MAST4: variants seen among roughly 807,000 people sequenced by gnomAD.
MAST4 encodes the protein microtubule associated serine/threonine kinase family member 4.
A neutral mutation model predicts 162.7 loss-of-function variants in MAST4; 89 were observed. The ratio of observed to expected loss-of-function variants is 0.55; its 90% CI spans 0.46 to 0.65. The LOEUF (loss-of-function observed/expected upper bound fraction) is 0.65, where lower values mean the gene tolerates loss of function less well. Among genes scored for constraint, MAST4 ranks in the 30% least tolerant of loss-of-function variants. The pLI, the probability that MAST4 is intolerant of heterozygous loss-of-function variation, is 0.00. For synonymous variants in MAST4, 1,479 were observed against 1,361.1 expected, an observed-to-expected ratio of 1.09 and a Z score of -1.91; for missense variants, 3,153 against 3,374.0, an observed-to-expected ratio of 0.93 and a Z score of 1.62.
chr5:66,644,393 G>T (rs928964928), intron 1 of MAST4, among the ~76,000 whole-genome samples: 9 of 152,130 alleles, frequency 5.9e-5, no homozygotes, highest in African/African-American at 2.2e-4. Flanking sequence ...GCCAATCAAA[G>T]TCTATGCTTA....
intron 5 of MAST4, among the ~76,000 whole-genome samples, 170 bp downstream of exon 5, chr5:67,054,662 T>C (rs1758589753): frequency 6.6e-6 from 1 of 152,258 alleles, no homozygotes; most frequent in African/African-American, 2.4e-5. Context: ...TTATCCTCTC[T>C]GTTTCAGTGT....
chr5:66,963,987 C>T (rs542590881), intron 4 of MAST4: 3 of 700,220 alleles, frequency 4.3e-6, no homozygotes, highest in Non-Finnish European at 5.3e-6. Context: ...TGTCTCTTGA[C>T]TCATTGTTCA....
chr5:66,841,440 A>G (rs1483377550), intron 3 of MAST4, among the ~76,000 whole-genome samples: 1 of 152,192 alleles, frequency 6.6e-6, no homozygotes, highest in Non-Finnish European at 1.5e-5. Context: ...ACAAAATGGC[A>G]TAGACTGTGT....
intron 1 of MAST4, among the ~76,000 whole-genome samples, chr5:66,657,311 T>C (rs1439897795): frequency 2.0e-5 from 3 of 152,230 alleles, no homozygotes; most frequent in Non-Finnish European, 4.4e-5. Context: ...CAGAGGACAC[T>C]GTCTTATCAC....
intron 1 of MAST4, among the ~76,000 whole-genome samples, chr5:66,685,885 G>A (rs1056254378): frequency 1.3e-5 from 2 of 152,118 alleles, no homozygotes; most frequent in East Asian, 3.9e-4. Flanking sequence ...GGGAGGAGGG[G>A]TTTGGGGGGA....
intron 1 of MAST4, among the ~76,000 whole-genome samples, chr5:66,617,688 T>C (rs1459572244): frequency 6.6e-6 from 1 of 152,184 alleles, no homozygotes; most frequent in Non-Finnish European, 1.5e-5. Flanking sequence ...CCATACCCTT[T>C]GTTCTTTCTG....
At position 67,164,682 on chromosome 5, in the gene MAST4, G is replaced by A. The variant is rs779452986; in HGVS notation, c.5503G>A (p.Val1835Met). ...ACAGAGCCCCAGCCCAAGTGGTGAC[G>A]TGAGGGCCTCTGTGCCACCAGTTCT... Reference protein sequence around the residue: ...SAQSPSPSGDVRASVPPVLPS... With the variant: ...SAQSPSPSGDMRASVPPVLPS... The change falls in exon 29 of 29, where the codon GTG (valine) becomes ATG (methionine). Residue 1835 changes from valine to methionine, a missense_variant. Physicochemically the swap from Val to Met is conservative, Grantham distance 21 (BLOSUM62 1). This residue lies in a region of MAST4 where 1,644 missense variants were observed against 1,495.0 expected (regional missense o/e 1.10). Coordinates refer to ENST00000403625, the MANE Select transcript of MAST4 (RefSeq NM_001164664.2). The surrounding 1 kb of genome is among the most constrained non-coding windows in gnomAD (Gnocchi z 5.3). The A allele has an allele frequency of 6.2e-7, 1 of 1,613,878 alleles. No homozygotes were observed.
chr5:66,986,616 A>ATATTTATT lies in MAST4; in HGVS notation c.675-67774_675-67767dup, dbSNP rs1554077142. The ATATTTATT allele has an allele frequency of 8.4e-3, 1,683 of 199,736 alleles. 34 individuals carry two copies. The highest frequency in any genetic ancestry group is 0.039 in the African/African-American group (1,590 of 40,568). The allele number at this position is 199,736 out of a possible 1,614,324, so 12.4% of individuals were successfully genotyped here. On this transcript the variant is annotated intron_variant, in intron 4 of 28. Coordinates refer to ENST00000403625, the MANE Select transcript of MAST4 (RefSeq NM_001164664.2). ...TGTATGAATTTATATATATATATATATATTTATTTATTTATTTATTTTGAG... is the reference window on the plus strand; with the variant it reads ...TGTATGAATTTATATATATATATATATATTTATTTATTTATTTATTTATTTATTTTGAG...
At chr5:66,806,951 G>A (rs1756217176) in intron 3 of MAST4, among the ~76,000 whole-genome samples, 1 of 152,106 alleles carries the variant, frequency 6.6e-6, no homozygotes, top group Non-Finnish European at 1.5e-5. Flanking sequence ...AACTCTGAGG[G>A]CTTCAATGTG....
chr5:66,902,190 C>T (rs1202274537), intron 4 of MAST4, among the ~76,000 whole-genome samples: 4 of 152,170 alleles, frequency 2.6e-5, no homozygotes, highest in Non-Finnish European at 5.9e-5. Context: ...CAGTAAGCAA[C>T]TGCACATAGC....
chr5:67,097,155 C>T (rs1222081294), intron 7 of MAST4, among the ~76,000 whole-genome samples: 1 of 152,074 alleles, frequency 6.6e-6, no homozygotes, highest in Non-Finnish European at 1.5e-5. Context: ...GATTTGTATT[C>T]TTTCCATCTT....
At chr5:67,140,109 G>A (rs1770178409) in intron 19 of MAST4, among the ~76,000 whole-genome samples, 1 of 152,204 alleles carries the variant, frequency 6.6e-6, no homozygotes, top group Non-Finnish European at 1.5e-5. Context: ...AACCCAAAAT[G>A]TGAGGGCTGG....
At chr5:67,079,727 C>T (rs1294434916) in intron 5 of MAST4, among the ~76,000 whole-genome samples, 1 of 152,230 alleles carries the variant, frequency 6.6e-6, no homozygotes, top group South Asian at 2.1e-4. Context: ...TCCTCTGCCT[C>T]AAAGCCTCCT....
intron 4 of MAST4, among the ~76,000 whole-genome samples, chr5:66,903,937 G>A (rs1763176828): frequency 6.6e-6 from 1 of 152,210 alleles, no homozygotes; most frequent in Non-Finnish European, 1.5e-5. Context: ...CACAAGTGGT[G>A]ATGCCATGGC....
chr5:67,014,195 T>A (rs1753017348), intron 4 of MAST4, among the ~76,000 whole-genome samples: 1 of 152,182 alleles, frequency 6.6e-6, no homozygotes, highest in South Asian at 2.1e-4. Context: ...ACCCAAAAAC[T>A]GGTTTATTGT....
At chr5:66,967,983 T>C (rs1746958264) in intron 4 of MAST4, among the ~76,000 whole-genome samples, 1 of 152,166 alleles carries the variant, frequency 6.6e-6, no homozygotes, top group African/African-American at 2.4e-5. Flanking sequence ...TCCTGAGTAA[T>C]ATAGATGTGA....
At chr5:66,881,043 G>T (rs1436380436) in intron 3 of MAST4, among the ~76,000 whole-genome samples, 3 of 152,136 alleles carry the variant, frequency 2.0e-5, no homozygotes, top group Non-Finnish European at 2.9e-5. Flanking sequence ...TTCACAGATT[G>T]ACTCTACTCA....
chr5:67,078,889 T>C lies in MAST4; in HGVS notation c.764-11273T>C, dbSNP rs1401944761. Among the ~76,000 whole-genome samples, 4 of 92,100 alleles carry C rather than the reference T, an allele frequency of 4.3e-5. 1 individual carries two copies. Among genetic ancestry groups the C allele is most frequent in the Admixed American group, 3.4e-4 (2 of 5,958 alleles). 60.4% of individuals were successfully genotyped at this position (92,100 alleles called of 152,430 possible). A position where few individuals can be genotyped will look rare whatever the true frequency, so the allele number is the denominator to read the frequency against. ...ATATATATTTATATAAATATATTTA[T>C]ATATTTATATATTTTTATATAAATA... On this transcript the variant is annotated intron_variant, in intron 5 of 28. Transcript: ENST00000403625.
intron 3 of MAST4, among the ~76,000 whole-genome samples, chr5:66,848,689 C>T (rs1437552722): frequency 1.3e-5 from 2 of 152,080 alleles, no homozygotes; most frequent in Non-Finnish European, 2.9e-5. Flanking sequence ...ACAGAAAATC[C>T]CGCCTAGTGA....
Sources: gnomAD v4.1 joint callset for allele counts (sites outside exome capture counted in the v4.1 genomes callset) on GRCh38, gnomAD v4.1.1 for gene constraint, gnomAD v4.1.1 regional missense constraint, Gnocchi (gnomAD v3.1) non-coding constraint, MANE v1.5 for transcripts, NCBI Gene and HGNC (gene_info 2026-07-23, HGNC 2026-07-21) for gene names.